Variants in DSC1 observed in about 807,000 individuals in gnomAD.
DSC1 encodes desmocollin 1.
DSC1 carries 79 observed loss-of-function variants against 98.8 expected under a neutral mutation model. The ratio of observed to expected loss-of-function variants is 0.80; its 90% CI spans 0.67 to 0.96. The LOEUF is 0.96. Among genes scored for constraint, DSC1 ranks in the 50% least tolerant of loss-of-function variants. The probability of loss-of-function intolerance (pLI) is 0.00; values close to 1 mark genes in which losing one functional copy is unlikely to be tolerated. For missense variants in DSC1, 1,115 were observed against 1,075.9 expected (o/e 1.04, Z -0.51); for synonymous variants, 405 against 372.1 (o/e 1.09, Z -1.02).
At chr18:31,146,003 T>C (rs1348279679) in intron 6 of DSC1, among the ~76,000 whole-genome samples, 2 of 152,188 alleles carry the variant, frequency 1.3e-5, no homozygotes, top group African/African-American at 2.4e-5. Flanking sequence ...ATATTCTACA[T>C]AGATGAGAAC....
chr18:31,152,526 A>T (rs777294606), intron 5 of DSC1, among the ~76,000 whole-genome samples: 1 of 152,200 alleles, frequency 6.6e-6, no homozygotes, highest in Admixed American at 6.5e-5. Flanking sequence ...TTAAGGACAA[A>T]ATTCTAGAAC....
intron 12 of DSC1, 114 bp from the exon 13 acceptor site, chr18:31,134,244 CTTTTT>C: frequency 9.2e-7 from 1 of 1,081,750 alleles, no homozygotes; most frequent in Non-Finnish European, 1.2e-6. Flanking sequence ...TCGAATTTTT[CTTTTT>C]TTTTTTGAAT....
intron 15 of DSC1, 73 bp downstream of exon 15, chr18:31,131,521 C>T: frequency 6.3e-7 from 1 of 1,576,842 alleles, no homozygotes; most frequent in Non-Finnish European, 8.6e-7. Flanking sequence ...AGGAGTAAAA[C>T]TTTTGGGAAA....
chr18:31,153,420 T>G (rs144728910), intron 5 of DSC1, among the ~76,000 whole-genome samples: 1 of 152,194 alleles, frequency 6.6e-6, no homozygotes, highest in East Asian at 1.9e-4. Context: ...CTGTAAGAAC[T>G]TGGATACACT....
In DSC1 at chr18:31,142,182, A is replaced by G. The variant is rs748203201; in HGVS notation, c.1077T>C (p.Tyr359=). The change falls in exon 9 of 16, where the codon TAT becomes TAC. Residue 359 remains tyrosine (Y), a splice_region_variant and synonymous_variant. Transcript: ENST00000257198. ...TTCTGTTTTCTTCTACTTCTGTAAC[A>G]TACTGAAAGAATTGCCCCTTATTAT... The part of the protein sequence containing the change: ...DNPPSFTETS[Y]VTEVEENRID... 6.2e-7 allele frequency: 1 copy of G among 1,607,142 alleles called. No individual in the cohort carries two copies. The highest frequency in any genetic ancestry group is 1.7e-5 in the Admixed American group (1 of 57,762).
chr18:31,134,568 A>T lies in DSC1; in HGVS notation c.1876+4T>A. 2 of 1,603,110 alleles carry T rather than the reference A, an allele frequency of 1.2e-6. No individual in the cohort carries two copies. Among genetic ancestry groups the T allele is most frequent in the Non-Finnish European group, 1.7e-6 (2 of 1,172,836 alleles). The stretch of plus-strand genomic sequence containing the variant: ...TGACTATAAAATTTAGCATGATTAC[A>T]TACCATCCTTTTCTTCTATGTTCCA... On this transcript the variant is annotated splice_donor_region_variant and intron_variant, in intron 12 of 15. Transcript: ENST00000257198.
In DSC1 at chr18:31,131,694, C is replaced by A. The variant is rs750054188; in HGVS notation, c.2387G>T (p.Gly796Val). 7 of 1,613,994 alleles carry A rather than the reference C, an allele frequency of 4.3e-6. No individual in the cohort carries two copies. The East Asian group carries it at 1.6e-4, about 36-fold the overall frequency. Residue 796 changes from glycine (G) to valine (V), a missense_variant, in exon 15 of 16, where the codon GGA (glycine) becomes GTA (valine). By Grantham distance (109) the Gly-to-Val change is moderately radical (BLOSUM62 -3). Coordinates refer to ENST00000257198, the MANE Select transcript of DSC1 (RefSeq NM_024421.2). ...GYTLDSNKGG[G>V]HQTLESVKGV... ...CTTGACGGACTCCAAGGTCTGATGT[C>A]CACCTCCTTTGTTGGAATCCAAAGT...
At chr18:31,130,883 C>T in intron 15 of DSC1, 172 bp from the exon 16 acceptor site, 1 of 1,531,460 alleles carries the variant, frequency 6.5e-7, no homozygotes. Context: ...TATAGTCACT[C>T]TTAAAATATA....
chr18:31,143,589 C>T, intron 8 of DSC1, 68 bp downstream of exon 8: 1 of 1,311,316 alleles, frequency 7.6e-7, no homozygotes, highest in Non-Finnish European at 1.0e-6. Flanking sequence ...CACAGAGCTA[C>T]CAAATTCTAG....
chr18:31,148,745 T>G, intron 5 of DSC1, 103 bp from the exon 6 acceptor site: 2 of 1,113,684 alleles, frequency 1.8e-6, no homozygotes, highest in South Asian at 2.0e-5. Context: ...AAAAAAATCA[T>G]TCCCAAAGAC....
rs776479842 is a variant in DSC1 at position 31,154,908 on chromosome 18, T to C, written c.493A>G (p.Asn165Asp). The change falls in exon 5 of 16, where the codon AAT becomes GAT. Residue 165 changes from asparagine to aspartate, a missense_variant. Physicochemically the swap from Asn to Asp is conservative, Grantham distance 23. Coordinates refer to ENST00000257198, the MANE Select transcript of DSC1 (RefSeq NM_024421.2). ...VQQIQSDAAQ[N>D]YTIFYSISGP... ...CTTATGGAATAAAAGATGGTGTAAT[T>C]CTGTGCAGCATCAGATTGGATCTGC... is the stretch of plus-strand genomic sequence containing the variant. The C allele has an allele frequency of 6.2e-7, 1 of 1,613,794 alleles. No individual in the cohort carries two copies. The highest frequency in any genetic ancestry group is 1.1e-5 in the South Asian group (1 of 91,020).
chr18:31,159,369 TC>T, intron 2 of DSC1, 75 bp downstream of exon 2: 1 of 1,498,366 alleles, frequency 6.7e-7, no homozygotes, highest in Admixed American at 1.8e-5. Flanking sequence ...GTGGTTTTTA[TC>T]CCAAACTTTA....
chr18:31,133,265 A>G (rs1044596622), intron 13 of DSC1, among the ~76,000 whole-genome samples: 3 of 152,068 alleles, frequency 2.0e-5, no homozygotes, highest in Admixed American at 6.6e-5. Flanking sequence ...AGAAACAGAA[A>G]GAAAGAAAGA....
In DSC1 at chr18:31,139,835, C is replaced by T. The variant is rs372768585; in HGVS notation, c.1576G>A (p.Asp526Asn). The change falls in exon 11 of 16, where the codon GAC (aspartate) becomes AAC (asparagine). Residue 526 changes from aspartate (D) to asparagine (N), a missense_variant. Coordinates refer to ENST00000257198, the MANE Select transcript of DSC1 (RefSeq NM_024421.2). ...TCTAGTACTTTTAGAGTTCTCAAGT[C>T]GCCAGTGTGTTGATTAATTTCAAAC... ...NWFEINQHTG[D>N]LRTLKVLDRE... 5 of 1,611,848 alleles carry T rather than the reference C, an allele frequency of 3.1e-6. No homozygotes were observed. The highest frequency in any genetic ancestry group is 2.7e-5 in the African/African-American group (2 of 74,864).
rs772930554 is a variant in DSC1 at position 31,139,834 on chromosome 18, T to C, written c.1577A>G (p.Asp526Gly). The C allele has an allele frequency of 1.9e-6, 3 of 1,612,262 alleles. No individual in the cohort carries two copies. The highest frequency in any genetic ancestry group is 2.5e-6 in the Non-Finnish European group (3 of 1,179,428). Reference sequence around the variant, plus strand: ...ATCTAGTACTTTTAGAGTTCTCAAGTCGCCAGTGTGTTGATTAATTTCAAA... The same window carrying C: ...ATCTAGTACTTTTAGAGTTCTCAAGCCGCCAGTGTGTTGATTAATTTCAAA... The part of the protein sequence containing the change: ...NWFEINQHTG[D>G]LRTLKVLDRE... The change falls in exon 11 of 16, where the codon GAC (aspartate) becomes GGC (glycine). Residue 526 changes from aspartate to glycine, a missense_variant. By Grantham distance (94) the Asp-to-Gly change is moderately conservative. Coordinates refer to ENST00000257198, the MANE Select transcript of DSC1 (RefSeq NM_024421.2).
At chr18:31,154,329 A>G (rs1368981528) in intron 5 of DSC1, among the ~76,000 whole-genome samples, 2 of 151,758 alleles carry the variant, frequency 1.3e-5, no homozygotes, top group East Asian at 1.9e-4. Flanking sequence ...ACACTTACAC[A>G]TTTAGAATCA....
chr18:31,159,361 G>A, intron 2 of DSC1, 84 bp downstream of exon 2: 1 of 1,421,166 alleles, frequency 7.0e-7, no homozygotes, highest in Non-Finnish European at 9.8e-7. Flanking sequence ...CCTACTATGT[G>A]GTTTTTATCC....
chr18:31,159,054 T>C (rs1259678701), intron 2 of DSC1, among the ~76,000 whole-genome samples: 1 of 89,776 alleles, frequency 1.1e-5, no homozygotes, highest in East Asian at 4.2e-4. Flanking sequence ...GTGGTTTTTT[T>C]TTTTTTTTTT....
chr18:31,133,766 A>G (rs1988544794), intron 13 of DSC1, 125 bp downstream of exon 13: 1 of 976,474 alleles, frequency 1.0e-6, no homozygotes, highest in Non-Finnish European at 1.5e-6. Flanking sequence ...GACATAAAAT[A>G]GATACAATAT....
Sources: allele counts gnomAD v4.1 joint callset (sites outside exome capture counted in the v4.1 genomes callset), GRCh38; gene constraint gnomAD v4.1.1; transcripts MANE v1.5; gene names NCBI Gene and HGNC (gene_info 2026-07-23, HGNC 2026-07-21).